IDE: variants seen among roughly 807,000 people sequenced by gnomAD.
IDE encodes insulin-degrading enzyme.
IDE carries 58 observed loss-of-function variants against 133.2 expected under a neutral mutation model. The observed-to-expected ratio is 0.44, with a 90% CI of 0.35 to 0.54. The LOEUF (loss-of-function observed/expected upper bound fraction) is 0.54. IDE is among the 20% of genes least tolerant of loss of function. The pLI, the probability that IDE is intolerant of heterozygous loss-of-function variation, is 0.00. For missense variants in IDE, 981 were observed against 1,234.0 expected (o/e 0.79, Z 3.07); for synonymous variants, 396 against 421.3 (o/e 0.94, Z 0.73).
At chr10:92,474,648 T>C (rs1393739766) in intron 17 of IDE, 193 bp downstream of exon 17, 1 of 490,172 alleles carries the variant, frequency 2.0e-6, no homozygotes, top group Non-Finnish European at 3.6e-6. Flanking sequence ...ATCTTCCTTC[T>C]ACCTATTTAA....
intron 6 of IDE, among the ~76,000 whole-genome samples, chr10:92,509,289 C>G (rs1848460420): frequency 6.6e-6 from 1 of 152,054 alleles, no homozygotes; most frequent in South Asian, 2.1e-4. Flanking sequence ...ATTATCCCGA[C>G]AAATATTTAA....
chr10:92,565,641 A>G (rs571587588), intron 1 of IDE, among the ~76,000 whole-genome samples: 2 of 151,816 alleles, frequency 1.3e-5, no homozygotes, highest in Non-Finnish European at 2.9e-5. Context: ...TATTTTTCCT[A>G]TATCCATCCA....
chr10:92,504,447 T>C (rs1300132457), intron 11 of IDE, among the ~76,000 whole-genome samples: 1 of 152,194 alleles, frequency 6.6e-6, no homozygotes, highest in Non-Finnish European at 1.5e-5. Flanking sequence ...GCTGATACTT[T>C]GGGCGTTTGA....
At chr10:92,456,319 G>A (rs372148441) in intron 23 of IDE, 40 bp downstream of exon 23, 2 of 1,416,694 alleles carry the variant, frequency 1.4e-6, no homozygotes, top group African/African-American at 1.4e-5. Flanking sequence ...ACCATCAGAT[G>A]GCTCAACATG....
At chr10:92,510,216 A>C (rs1848510922) in intron 5 of IDE, 54 bp from the exon 6 acceptor site, 2 of 892,646 alleles carry the variant, frequency 2.2e-6, no homozygotes, top group East Asian at 2.5e-5. Context: ...AACATCCAAC[A>C]GGGAGTGCTT....
chr10:92,534,433 T>C, intron 3 of IDE, 145 bp downstream of exon 3: 1 of 592,104 alleles, frequency 1.7e-6, no homozygotes, highest in Non-Finnish European at 2.9e-6. Context: ...ATCACTCATT[T>C]TTTCTTTTTC....
At chr10:92,472,004 T>A (rs1299675233) in intron 17 of IDE, among the ~76,000 whole-genome samples, 1 of 152,216 alleles carries the variant, frequency 6.6e-6, no homozygotes, top group Non-Finnish European at 1.5e-5. Flanking sequence ...CTGAAGTTCT[T>A]GCTACCCTGG....
chr10:92,538,903 C>T (rs1424304680), intron 1 of IDE, among the ~76,000 whole-genome samples: 1 of 152,144 alleles, frequency 6.6e-6, no homozygotes, highest in African/African-American at 2.4e-5. Context: ...AGCACATCTG[C>T]TTCTTACCTA....
intron 1 of IDE, among the ~76,000 whole-genome samples, chr10:92,549,733 T>C (rs1842696086): frequency 6.6e-6 from 1 of 151,810 alleles, no homozygotes; most frequent in Admixed American, 6.6e-5. Context: ...ATATAATATA[T>C]TCAATAAACC....
chr10:92,487,950 C>T (rs1200481739), intron 12 of IDE, among the ~76,000 whole-genome samples: 2 of 152,062 alleles, frequency 1.3e-5, no homozygotes, highest in Non-Finnish European at 2.9e-5. Context: ...GTGTGTGCCA[C>T]CACACCCGAC....
intron 11 of IDE, among the ~76,000 whole-genome samples, chr10:92,492,884 T>C (rs1847446605): frequency 6.6e-6 from 1 of 152,248 alleles, no homozygotes; most frequent in South Asian, 2.1e-4. Flanking sequence ...CCTGGCTGAC[T>C]GGACTTGGTC....
At chr10:92,493,869 C>T (rs10882068) in intron 11 of IDE, among the ~76,000 whole-genome samples, 8,913 of 152,082 alleles carry the variant, frequency 0.059, 887 homozygotes, top group African/African-American at 0.2. Context: ...AAGAAAGTAA[C>T]GGTACAGACA....
chr10:92,508,261 A>C (rs1397808694), intron 7 of IDE, 56 bp from the exon 8 acceptor site: 6 of 1,390,054 alleles, frequency 4.3e-6, no homozygotes, highest in East Asian at 2.3e-5. Flanking sequence ...TTCCTTGAAG[A>C]TAAGAAAAAT....
chr10:92,474,650 C>T (rs942753431), intron 17 of IDE, 191 bp downstream of exon 17: 1 of 488,852 alleles, frequency 2.0e-6, no homozygotes, highest in East Asian at 3.6e-5. Context: ...CTTCCTTCTA[C>T]CTATTTAAAA....
In IDE at chr10:92,474,938, G is replaced by A; in HGVS notation, c.2019C>T (p.Phe673=). The part of the protein sequence containing the change: ...KEAYMRSLNN[F]RAEQPHQHAM... Reference sequence around the variant, plus strand: ...CATGCTGGTGAGGCTGTTCAGCCCGGAAATTGTTAAGAGATCGCATATACT... The same window carrying A: ...CATGCTGGTGAGGCTGTTCAGCCCGAAAATTGTTAAGAGATCGCATATACT... The change falls in exon 17 of 25, where the codon TTC becomes TTT. Residue 673 remains phenylalanine (F), a synonymous_variant. Transcript: ENST00000265986. 5.6e-6 allele frequency: 9 copies of A among 1,612,554 alleles called. 1 individual carries two copies. The South Asian group carries it at 8.8e-5, about 16-fold the overall frequency.
At chr10:92,570,004 G>A (rs989394773) in intron 1 of IDE, among the ~76,000 whole-genome samples, 5 of 152,062 alleles carry the variant, frequency 3.3e-5, no homozygotes, top group African/African-American at 1.2e-4. Context: ...CAGCTACTCT[G>A]GAGGCTGAGG....
intron 1 of IDE, among the ~76,000 whole-genome samples, chr10:92,550,175 T>A (rs1842714455): frequency 6.6e-6 from 1 of 151,340 alleles, no homozygotes; most frequent in South Asian, 2.1e-4. Context: ...AATAAGTAAA[T>A]AAATAAATAA....
intron 4 of IDE, among the ~76,000 whole-genome samples, chr10:92,524,481 ATAT>A (rs1416207807): frequency 2.3e-4 from 9 of 38,798 alleles, no homozygotes; most frequent in African/African-American, 8.0e-4. Context: ...TATATAATAT[ATAT>A]TATATTATAA....
chr10:92,524,111 G>T (rs1003217079), intron 4 of IDE, among the ~76,000 whole-genome samples: 5 of 147,568 alleles, frequency 3.4e-5, no homozygotes, highest in South Asian at 2.1e-4. Context: ...AGTGAAAGTG[G>T]ATACCAACTA....
Sources: allele counts gnomAD v4.1 joint callset (sites outside exome capture counted in the v4.1 genomes callset), GRCh38; gene constraint gnomAD v4.1.1; transcripts MANE v1.5; gene names NCBI Gene and HGNC (gene_info 2026-07-23, HGNC 2026-07-21).